The following RSRC1 variants were observed in gnomAD, a reference collection of about 807,000 sequenced individuals.
The protein encoded by RSRC1 is serine/Arginine-related protein 53.
A neutral mutation model predicts 49.1 loss-of-function variants in RSRC1; 39 were observed. That is an observed-to-expected ratio of 0.79 (90% CI 0.61 to 1.04). The LOEUF is 1.04. Among genes scored for constraint, RSRC1 ranks in the 50% least tolerant of loss-of-function variants. The pLI is 0.00. For synonymous variants in RSRC1, 143 were observed against 130.8 expected, an observed-to-expected ratio of 1.09 and a Z score of -0.63; for missense variants, 388 against 402.4, an observed-to-expected ratio of 0.96 and a Z score of 0.31.
intron 5 of RSRC1, among the ~76,000 whole-genome samples, chr3:158,314,746 C>T (rs893016344): frequency 2.0e-5 from 3 of 152,104 alleles, no homozygotes; most frequent in Non-Finnish European, 4.4e-5. Context: ...TTAAGATATA[C>T]AGGATGGTAA....
intron 6 of RSRC1, among the ~76,000 whole-genome samples, chr3:158,440,980 A>G (rs1736351806): frequency 6.6e-6 from 1 of 152,058 alleles, no homozygotes; most frequent in South Asian, 2.1e-4. Context: ...TATTAGAGAA[A>G]TCACTTTCAG....
chr3:158,299,011 T>C (rs886344258), intron 5 of RSRC1, among the ~76,000 whole-genome samples: 3 of 152,134 alleles, frequency 2.0e-5, no homozygotes, highest in Admixed American at 6.6e-5. Flanking sequence ...TAATGGAAAC[T>C]GAGGAAACCT....
At chr3:158,337,854 A>G (rs1455978209) in intron 5 of RSRC1, among the ~76,000 whole-genome samples, 1 of 152,254 alleles carries the variant, frequency 6.6e-6, no homozygotes, top group Non-Finnish European at 1.5e-5. Flanking sequence ...GAAATAATTT[A>G]ATAGCTAACG....
At chr3:158,328,355 T>C (rs1234117816) in intron 5 of RSRC1, among the ~76,000 whole-genome samples, 1 of 152,218 alleles carries the variant, frequency 6.6e-6, no homozygotes, top group African/African-American at 2.4e-5. Context: ...TGGCATGTTT[T>C]TGCAGTGGCT....
chr3:158,186,363 A>G (rs1014957377), intron 3 of RSRC1, among the ~76,000 whole-genome samples: 3 of 151,972 alleles, frequency 2.0e-5, no homozygotes, highest in Non-Finnish European at 2.9e-5. Context: ...CTTTTATCCA[A>G]TATTTTACAT....
intron 3 of RSRC1, among the ~76,000 whole-genome samples, chr3:158,157,952 C>A (rs1039292699): frequency 6.6e-6 from 1 of 151,950 alleles, no homozygotes; most frequent in Admixed American, 6.6e-5. Flanking sequence ...TTTTGGATTA[C>A]TGTCGCTTTG....
chr3:158,315,874 G>A (rs183790941), intron 5 of RSRC1, among the ~76,000 whole-genome samples: 23 of 152,114 alleles, frequency 1.5e-4, no homozygotes, highest in Non-Finnish European at 3.2e-4. Flanking sequence ...TAATGCAACC[G>A]AAAATGCTGA....
chr3:158,124,820 C>CTTT (rs35329457), intron 3 of RSRC1, among the ~76,000 whole-genome samples: 2 of 120,566 alleles, frequency 1.7e-5, no homozygotes, highest in Non-Finnish European at 3.4e-5. Context: ...TTCTTTCTTT[C>CTTT]TTTTTTTTTT....
At chr3:158,462,383 A>G (rs1348479174) in intron 7 of RSRC1, among the ~76,000 whole-genome samples, 1 of 151,956 alleles carries the variant, frequency 6.6e-6, no homozygotes, top group Non-Finnish European at 1.5e-5. Flanking sequence ...AATGTAACTA[A>G]TTAATAACAT....
chr3:158,440,762 G>A lies in RSRC1; in HGVS notation c.584-20173G>A, dbSNP rs149442685. On this transcript the variant is annotated intron_variant, in intron 6 of 9. Coordinates refer to ENST00000611884, the MANE Select transcript of RSRC1 (RefSeq NM_001271838.2). The stretch of plus-strand genomic sequence containing the variant: ...AGTTTGAAACCAACCTGACGAACAT[G>A]GTGAAACCCCATCTCTAATAAATAT... Among the ~76,000 whole-genome samples the A allele has an allele frequency of 3.2e-3, 492 of 152,058 alleles. 1 individual carries two copies. Among genetic ancestry groups the A allele is most frequent in the African/African-American group, 0.011 (471 of 41,466 alleles).
Position 158,122,055 on chromosome 3 carries a change from A to G in RSRC1, c.-2-48A>G, listed in dbSNP as rs929055455. The G allele has an allele frequency of 4.5e-6, 5 of 1,101,034 alleles. No individual in the cohort carries two copies. The African/African-American group carries it at 6.6e-5, about 14-fold the overall frequency. The allele number at this position is 1,101,034 out of a possible 1,614,324, so 68.2% of individuals were successfully genotyped here. ...AAAATTAATATATTGCATTTCATCC[A>G]TTGTGCCACCATGTTAGAAATAATA... On this transcript the variant is annotated intron_variant, in intron 1 of 9. Transcript: ENST00000611884.
In RSRC1 at chr3:158,122,112, G is replaced by A. The variant is rs769372008; in HGVS notation, c.8G>A (p.Arg3His). Residue 3 changes from arginine (R) to histidine (H), a missense_variant, in exon 2 of 10, where the codon CGT (arginine) becomes CAT (histidine). By Grantham distance (29) the Arg-to-His change is conservative. Coordinates refer to ENST00000611884, the MANE Select transcript of RSRC1 (RefSeq NM_001271838.2). MG[R>H]RSSDTEEESR... ...AAATTTATGCTTATAGAAATGGGAC[G>A]TCGGTCATCAGATACTGAAGAAGAA... is the stretch of plus-strand genomic sequence containing the variant. 40 of 1,497,536 alleles carry A rather than the reference G, an allele frequency of 2.7e-5. No individual in the cohort carries two copies. Among genetic ancestry groups the A allele is most frequent in the African/African-American group, 7.2e-5 (5 of 69,510 alleles). 92.8% of individuals were successfully genotyped at this position (1,497,536 alleles called of 1,614,324 possible). A position where few individuals can be genotyped will look rare whatever the true frequency, so the allele number is the denominator to read the frequency against.
At chr3:158,316,393 A>G (rs984374059) in intron 5 of RSRC1, among the ~76,000 whole-genome samples, 1 of 135,328 alleles carries the variant, frequency 7.4e-6, no homozygotes, top group Non-Finnish European at 1.6e-5. Flanking sequence ...GATATGCCTC[A>G]TTTTTCCACC....
intron 5 of RSRC1, among the ~76,000 whole-genome samples, chr3:158,312,763 T>C (rs912562068): frequency 5.3e-5 from 8 of 152,112 alleles, no homozygotes; most frequent in Non-Finnish European, 1.5e-5. Flanking sequence ...CTAACACTTA[T>C]CCCCTAAATA....
At chr3:158,308,678 C>T (rs1033028200) in intron 5 of RSRC1, among the ~76,000 whole-genome samples, 5 of 151,902 alleles carry the variant, frequency 3.3e-5, no homozygotes, top group Admixed American at 2.0e-4. Flanking sequence ...CTGAAAACTG[C>T]TCAGTTACTG....
At position 158,281,604 on chromosome 3, in the gene RSRC1, G is replaced by A. The variant is rs114255040; in HGVS notation, c.495-16435G>A. Among the ~76,000 whole-genome samples the A allele has an allele frequency of 3.1e-3, 465 of 152,168 alleles. 2 individuals carry two copies. Among genetic ancestry groups the A allele is most frequent in the African/African-American group, 0.011 (443 of 41,508 alleles). ...TTTTTTGAGAAAATGTAGAAAACCT[G>A]AACGATATAATATTATAGAAGACAA... On this transcript the variant is annotated intron_variant, in intron 4 of 9. Coordinates refer to ENST00000611884, the MANE Select transcript of RSRC1 (RefSeq NM_001271838.2).
chr3:158,204,513 T>A (rs1721242686), intron 4 of RSRC1, among the ~76,000 whole-genome samples: 1 of 152,058 alleles, frequency 6.6e-6, no homozygotes, highest in Admixed American at 6.6e-5. Flanking sequence ...TCTGTAAAGG[T>A]GGGGAGGCTG....
Position 158,543,453 on chromosome 3 carries a change from A to T in RSRC1, c.878A>T (p.Lys293Met). The change falls in exon 9 of 10, where the codon AAG (lysine) becomes ATG (methionine). Residue 293 changes from lysine to methionine, a missense_variant. Coordinates refer to ENST00000611884, the MANE Select transcript of RSRC1 (RefSeq NM_001271838.2). ...CCTACCAGCATCCCTACTGCTATCA[A>T]GTACCAAGATGACAATTCCCTGGCC... The part of the protein sequence containing the change: ...IDPTSIPTAI[K>M]YQDDNSLAHP... 1 of 1,610,868 alleles carries T rather than the reference A, an allele frequency of 6.2e-7. No individual in the cohort carries two copies. Among genetic ancestry groups the T allele is most frequent in the Non-Finnish European group, 8.5e-7 (1 of 1,178,566 alleles).
intron 4 of RSRC1, among the ~76,000 whole-genome samples, chr3:158,211,493 G>T (rs974508564): frequency 6.6e-6 from 1 of 151,888 alleles, no homozygotes; most frequent in African/African-American, 2.4e-5. Flanking sequence ...TCCACATAGG[G>T]GAAGGAAATC....
Sources: gnomAD v4.1 joint callset for allele counts (sites outside exome capture counted in the v4.1 genomes callset) on GRCh38, gnomAD v4.1.1 for gene constraint, MANE v1.5 for transcripts, NCBI Gene and HGNC (gene_info 2026-07-23, HGNC 2026-07-21) for gene names.